The following PARP12 variants were observed in gnomAD, a reference collection of about 807,000 sequenced individuals.
The protein encoded by PARP12 is protein mono-ADP-ribosyltransferase PARP12.
PARP12 carries 59 observed loss-of-function variants against 72.4 expected under a neutral mutation model. The observed-to-expected ratio is 0.81, with a 90% CI of 0.66 to 1.01. PARP12 has a LOEUF of 1.01. PARP12 is among the 50% of genes least tolerant of loss of function. The probability of loss-of-function intolerance (pLI) is 0.00; values close to 1 mark genes in which losing one functional copy is unlikely to be tolerated. For missense variants in PARP12, 851 were observed against 914.0 expected (o/e 0.93, Z 0.89); for synonymous variants, 403 against 371.4 (o/e 1.09, Z -0.98).
In PARP12 at chr7:140,057,524, CCA is replaced by C. The variant is rs549680155; in HGVS notation, c.462+373_463-372del. 1,271 of 354,402 alleles carry C rather than the reference CCA, an allele frequency of 3.6e-3. 6 individuals are homozygous for C. Among genetic ancestry groups the C allele is most frequent in the Middle Eastern group, 0.016 (20 of 1,288 alleles). 22.0% of individuals were successfully genotyped at this position (354,402 alleles called of 1,614,324 possible). On this transcript the variant is annotated intron_variant, in intron 2 of 11. Coordinates refer to ENST00000263549, the MANE Select transcript of PARP12 (RefSeq NM_022750.4). ...TCATCAACTCTCCCTTCCCCAAGCCCCAGTTTTCTCTGAGCTCTCTTTTCTAC... is the reference window on the plus strand; with the variant it reads ...TCATCAACTCTCCCTTCCCCAAGCCCGTTTTCTCTGAGCTCTCTTTTCTAC...
rs374200474 is a variant in PARP12, at chr7:140,047,762, T to C, written c.863-755A>G. 2.0e-4 allele frequency among the ~76,000 whole-genome samples: 30 copies of C among 152,084 alleles called. 1 individual carries two copies. Among genetic ancestry groups the C allele is most frequent in the African/African-American group, 7.2e-4 (30 of 41,494 alleles). Reference sequence around the variant, plus strand: ...CCTCCTCAGTAGCTGGGATTACAGGTGTGCACCACCACACAGCTAATTTTT... The same window carrying C: ...CCTCCTCAGTAGCTGGGATTACAGGCGTGCACCACCACACAGCTAATTTTT... On this transcript the variant is annotated intron_variant, in intron 4 of 11. Coordinates refer to ENST00000263549, the MANE Select transcript of PARP12 (RefSeq NM_022750.4).
At chr7:140,059,402 CT>C (rs1554389003) in intron 1 of PARP12, among the ~76,000 whole-genome samples, 80 of 147,196 alleles carry the variant, frequency 5.4e-4, no homozygotes, top group Admixed American at 1.3e-3. Flanking sequence ...CTGAACCTAG[CT>C]TTTTTTTTTT....
intron 8 of PARP12, 25 bp downstream of exon 8, chr7:140,034,210 T>C (rs1816056772): frequency 6.2e-7 from 1 of 1,606,548 alleles, no homozygotes; most frequent in South Asian, 1.1e-5. Context: ...ACATCCTAAG[T>C]ACCAAGCCCC....
In PARP12 at chr7:140,059,073, C is replaced by T. The variant is rs535124750; in HGVS notation, c.327-1039G>A. Among the ~76,000 whole-genome samples, 5 of 145,272 alleles carry T rather than the reference C, an allele frequency of 3.4e-5. No individual in the cohort carries two copies. The South Asian group carries it at 1.1e-3, about 31-fold the overall frequency. ...TTGCGCCATTGCACTCCAGCCTGGGCAACAGGAGCGAGACTCTGTCTCAAA... is the reference window on the plus strand; with the variant it reads ...TTGCGCCATTGCACTCCAGCCTGGGTAACAGGAGCGAGACTCTGTCTCAAA... On this transcript the variant is annotated intron_variant, in intron 1 of 11. Transcript: ENST00000263549.
chr7:140,062,030 G>A (rs567321703), intron 1 of PARP12, among the ~76,000 whole-genome samples: 1 of 151,580 alleles, frequency 6.6e-6, no homozygotes, highest in East Asian at 1.9e-4. Context: ...GGGTGGGCAG[G>A]GACCAGTGCC....
At chr7:140,046,355 G>A (rs905865477) in intron 5 of PARP12, among the ~76,000 whole-genome samples, 9 of 152,126 alleles carry the variant, frequency 5.9e-5, no homozygotes, top group African/African-American at 1.7e-4. Flanking sequence ...AAGGCTATCC[G>A]GGAATCCCCT....
intron 6 of PARP12, among the ~76,000 whole-genome samples, chr7:140,039,119 C>T (rs925656441): frequency 1.3e-5 from 2 of 152,204 alleles, no homozygotes; most frequent in Non-Finnish European, 2.9e-5. Flanking sequence ...TCCTAGTTTA[C>T]GGTCTCATAG....
At chr7:140,059,035 TG>T in intron 1 of PARP12, among the ~76,000 whole-genome samples, 1 of 148,320 alleles carries the variant, frequency 6.7e-6, no homozygotes, top group South Asian at 2.1e-4. Flanking sequence ...GCGGAGGCCG[TG>T]GTGAGCCAAG....
Position 140,028,658 on chromosome 7 carries a change from G to C in PARP12, c.1452C>G (p.Ile484Met). 6.2e-7 allele frequency: 1 copy of C among 1,605,140 alleles called. No individual in the cohort carries two copies. The change falls in exon 9 of 12, where the codon ATC (isoleucine) becomes ATG (methionine). Residue 484 changes from isoleucine to methionine, a missense_variant. Ile to Met is a conservative substitution (Grantham distance 10, BLOSUM62 1). Transcript: ENST00000263549. ...CNTKFPGPKSIPDYWDSSALP... is the reference protein window; with the variant it reads ...CNTKFPGPKSMPDYWDSSALP... ...GGGCAGAGGAGTCCCAATAGTCTGG[G>C]ATGCTCTTCGGGCCTGGAAACTTGG...
intron 6 of PARP12, 51 bp from the exon 7 acceptor site, chr7:140,037,907 G>A: frequency 1.3e-6 from 2 of 1,578,694 alleles, no homozygotes; most frequent in Non-Finnish European, 1.7e-6. Flanking sequence ...GCGTGATGAG[G>A]AAAAACGCTG....
chr7:140,052,532 T>A (rs1033187268), intron 4 of PARP12, among the ~76,000 whole-genome samples: 1 of 152,174 alleles, frequency 6.6e-6, no homozygotes, highest in Non-Finnish European at 1.5e-5. Flanking sequence ...TTGTTCTTGC[T>A]TCAACTGCAG....
intron 5 of PARP12, 63 bp from the exon 6 acceptor site, chr7:140,041,902 G>T: frequency 7.2e-7 from 1 of 1,382,376 alleles, no homozygotes; most frequent in Non-Finnish European, 1.0e-6. Context: ...AGGTCCCTCA[G>T]CTTGAGAACA....
chr7:140,046,538 C>T (rs964809063), intron 5 of PARP12, among the ~76,000 whole-genome samples: 1 of 152,218 alleles, frequency 6.6e-6, no homozygotes, highest in African/African-American at 2.4e-5. Flanking sequence ...TATAGATGTA[C>T]ATGATCAATC....
At chr7:140,049,827 C>T (rs553054304) in intron 4 of PARP12, among the ~76,000 whole-genome samples, 6 of 152,326 alleles carry the variant, frequency 3.9e-5, no homozygotes, top group Middle Eastern at 3.4e-3. Context: ...CCCAGCACAG[C>T]GGTAGAGACA....
At chr7:140,060,438 C>T (rs1297394539) in intron 1 of PARP12, among the ~76,000 whole-genome samples, 1 of 152,220 alleles carries the variant, frequency 6.6e-6, no homozygotes, top group Non-Finnish European at 1.5e-5. Context: ...CAGCCAACCA[C>T]ACCCACTCTC....
In PARP12 at chr7:140,024,762, A is replaced by T; in HGVS notation, c.1904T>A (p.Val635Asp). The T allele has an allele frequency of 6.2e-7, 1 of 1,614,164 alleles. No individual in the cohort carries two copies. Among genetic ancestry groups the T allele is most frequent in the Non-Finnish European group, 8.5e-7 (1 of 1,180,028 alleles). Residue 635 changes from valine to aspartate, a missense_variant, in exon 12 of 12, where the codon GTC becomes GAC. By Grantham distance (152) the Val-to-Asp change is radical (BLOSUM62 -3). Coordinates refer to ENST00000263549, the MANE Select transcript of PARP12 (RefSeq NM_022750.4). ...GEFVRGNASFVRPPAKEGWSN... is the reference protein window; with the variant it reads ...GEFVRGNASFDRPPAKEGWSN... ...CCAGCCCTCCTTGGCCGGCGGACGG[A>T]CAAAGGAGGCATTGCCCCTGACGAA...
chr7:140,025,553 G>A (rs1290600712), intron 11 of PARP12: 2 of 456,172 alleles, frequency 4.4e-6, no homozygotes, highest in Admixed American at 2.4e-5. Flanking sequence ...ATGTGTTAAA[G>A]GGTGAAAGGA....
intron 9 of PARP12, 119 bp from the exon 10 acceptor site, chr7:140,027,525 GACC>G: frequency 8.0e-7 from 1 of 1,243,618 alleles, no homozygotes; most frequent in South Asian, 1.4e-5. Flanking sequence ...AGAGAGCAGT[GACC>G]ACATTCTCCT....
intron 2 of PARP12, chr7:140,057,400 C>G (rs1817230858): frequency 7.2e-6 from 4 of 552,780 alleles, no homozygotes; most frequent in Non-Finnish European, 1.3e-5. Context: ...CCAAGAACTT[C>G]AAAGTGACTA....
Sources: gnomAD v4.1 joint callset for allele counts (sites outside exome capture counted in the v4.1 genomes callset) on GRCh38, gnomAD v4.1.1 for gene constraint, MANE v1.5 for transcripts, NCBI Gene and HGNC (gene_info 2026-07-23, HGNC 2026-07-21) for gene names.